CDH18: variants seen among roughly 807,000 people sequenced by gnomAD.
CDH18 encodes cadherin 18.
CDH18 carries 31 observed loss-of-function variants against 67.9 expected under a neutral mutation model. The observed-to-expected ratio is 0.46, with a 90% CI of 0.34 to 0.62. CDH18 has a LOEUF of 0.62. CDH18 is among the 20% of genes least tolerant of loss of function. CDH18 has a pLI of 0.01. For synonymous variants in CDH18, 362 were observed against 347.2 expected, an observed-to-expected ratio of 1.04 and a Z score of -0.48; for missense variants, 890 against 975.5, an observed-to-expected ratio of 0.91 and a Z score of 1.17.
chr5:19,852,101 A>C, intron 2 of CDH18, among the ~76,000 whole-genome samples: 1 of 152,054 alleles, frequency 6.6e-6, no homozygotes, highest in East Asian at 1.9e-4. Flanking sequence ...TATTCATTAC[A>C]CAATTTGTCC....
rs982819487 is a variant in CDH18, at chr5:19,473,007, CA to C, written c.*218del. The C allele has an allele frequency of 3.6e-5, 18 of 498,028 alleles. 1 individual carries two copies. The highest frequency in any genetic ancestry group is 2.1e-4 in the African/African-American group (11 of 51,598). The allele number at this position is 498,028 out of a possible 1,614,324, so 30.9% of individuals were successfully genotyped here. A position where few individuals can be genotyped will look rare whatever the true frequency, so the allele number is the denominator to read the frequency against. On this transcript the variant is annotated 3_prime_UTR_variant, in exon 13 of 13. Coordinates refer to ENST00000382275, the MANE Select transcript of CDH18 (RefSeq NM_004934.5). Reference sequence around the variant, plus strand: ...AGCAATTGAAAATATACACAAGGAACAATAACTTTTTCTTTGTATTGTCTTT... The same window carrying C: ...AGCAATTGAAAATATACACAAGGAACATAACTTTTTCTTTGTATTGTCTTT...
chr5:19,759,415 C>T (rs1292689904), intron 3 of CDH18, among the ~76,000 whole-genome samples: 1 of 152,154 alleles, frequency 6.6e-6, no homozygotes, highest in African/African-American at 2.4e-5. Flanking sequence ...CCTTTCCCAC[C>T]ATAATACCCC....
intron 2 of CDH18, among the ~76,000 whole-genome samples, chr5:20,129,736 G>A (rs913791176): frequency 6.6e-6 from 1 of 152,008 alleles, no homozygotes; most frequent in Non-Finnish European, 1.5e-5. Context: ...AAGAGTTAAA[G>A]CAAACAAGCA....
chr5:20,342,416 T>C (rs1315350855), intron 1 of CDH18, among the ~76,000 whole-genome samples: 2 of 152,168 alleles, frequency 1.3e-5, no homozygotes, highest in African/African-American at 4.8e-5. Flanking sequence ...GGAACAGTGA[T>C]GGCCTCCCCT....
intron 1 of CDH18, among the ~76,000 whole-genome samples, chr5:20,285,844 G>T (rs1170770234): frequency 6.6e-6 from 1 of 151,516 alleles, no homozygotes; most frequent in Non-Finnish European, 1.5e-5. Flanking sequence ...TATAATATTT[G>T]CTATTTGAGT....
chr5:20,341,067 C>T (rs77609937), intron 1 of CDH18, among the ~76,000 whole-genome samples: 1 of 152,102 alleles, frequency 6.6e-6, no homozygotes, highest in Non-Finnish European at 1.5e-5. Flanking sequence ...CATACTGGTT[C>T]AAATCCATCT....
intron 2 of CDH18, among the ~76,000 whole-genome samples, chr5:19,976,984 T>C (rs1373436620): frequency 3.9e-5 from 6 of 152,282 alleles, no homozygotes; most frequent in African/African-American, 1.2e-4. Flanking sequence ...TAAATATATA[T>C]GCTTTTCAGG....
intron 5 of CDH18, among the ~76,000 whole-genome samples, chr5:19,669,489 C>T (rs1371002139): frequency 6.6e-6 from 1 of 151,728 alleles, no homozygotes; most frequent in African/African-American, 2.4e-5. Flanking sequence ...CGGGGTTTCT[C>T]CATGTTGGTC....
chr5:19,644,867 A>G (rs912336365), intron 5 of CDH18, among the ~76,000 whole-genome samples: 1 of 152,200 alleles, frequency 6.6e-6, no homozygotes, highest in African/African-American at 2.4e-5. Flanking sequence ...AGAAGACATC[A>G]GCACATCTGA....
At chr5:19,975,378 G>GA (rs1285775620) in intron 2 of CDH18, among the ~76,000 whole-genome samples, 1 of 151,954 alleles carries the variant, frequency 6.6e-6, no homozygotes, top group Non-Finnish European at 1.5e-5. Context: ...AATATGTTGG[G>GA]AAAAAATTGA....
chr5:20,209,356 T>C, intron 2 of CDH18, among the ~76,000 whole-genome samples: 1 of 152,008 alleles, frequency 6.6e-6, no homozygotes, highest in Admixed American at 6.6e-5. Context: ...TTAACCTGTG[T>C]TTATCAATGG....
chr5:20,405,787 C>A (rs1387914157), intron 1 of CDH18, among the ~76,000 whole-genome samples: 4 of 152,176 alleles, frequency 2.6e-5, no homozygotes, highest in African/African-American at 9.7e-5. Flanking sequence ...TGAATAGACA[C>A]TTCTGAAAAG....
chr5:20,575,623 T>G (rs1759072391), exon 1 of CDH18: 1 of 152,014 alleles, frequency 6.6e-6, no homozygotes, highest in Non-Finnish European at 1.5e-5. Flanking sequence ...AGAGCTGACA[T>G]CCTCTTGTAA....
chr5:20,383,191 G>A (rs777733077), intron 1 of CDH18, among the ~76,000 whole-genome samples: 33 of 152,024 alleles, frequency 2.2e-4, no homozygotes, highest in Non-Finnish European at 4.3e-4. Flanking sequence ...TAAATATTGC[G>A]TTATGATAGA....
chr5:20,395,713 T>C (rs1440922856), intron 1 of CDH18, among the ~76,000 whole-genome samples: 1 of 152,208 alleles, frequency 6.6e-6, no homozygotes, highest in African/African-American at 2.4e-5. Flanking sequence ...AGATGACTGG[T>C]GGCTGGGGAT....
intron 2 of CDH18, among the ~76,000 whole-genome samples, chr5:20,077,844 C>A (rs1744082826): frequency 6.6e-6 from 1 of 151,972 alleles, no homozygotes; most frequent in Non-Finnish European, 1.5e-5. Context: ...TTGTATAAAA[C>A]AAAACAAAAA....
At chr5:20,303,500 A>C (rs1368029377) in intron 1 of CDH18, among the ~76,000 whole-genome samples, 3 of 152,158 alleles carry the variant, frequency 2.0e-5, no homozygotes, top group Admixed American at 1.3e-4. Context: ...TGAGGTGAAC[A>C]CTTAGTACTC....
At chr5:20,065,776 A>C (rs2150516262) in intron 2 of CDH18, among the ~76,000 whole-genome samples, 1 of 152,130 alleles carries the variant, frequency 6.6e-6, no homozygotes, top group East Asian at 1.9e-4. Context: ...TTTTTACTTA[A>C]TGTGTTTCCC....
intron 9 of CDH18, among the ~76,000 whole-genome samples, chr5:19,542,492 GA>G (rs905759887): frequency 6.6e-6 from 1 of 151,924 alleles, no homozygotes; most frequent in African/African-American, 2.4e-5. Flanking sequence ...TTCCTATTAG[GA>G]AAAAAATGGA....
Sources: allele counts gnomAD v4.1 joint callset (sites outside exome capture counted in the v4.1 genomes callset), GRCh38; gene constraint gnomAD v4.1.1; transcripts MANE v1.5; gene names NCBI Gene and HGNC (gene_info 2026-07-23, HGNC 2026-07-21).